Variants in RMDN2 observed in about 807,000 individuals in gnomAD.
RMDN2 encodes regulator of microtubule dynamics protein 2.
Under a neutral mutation model 52.8 loss-of-function variants are expected in RMDN2, and 61 were observed. The ratio of observed to expected loss-of-function variants is 1.16; its 90% CI spans 0.94 to 1.43. The LOEUF (loss-of-function observed/expected upper bound fraction) is 1.43, where lower values mean the gene tolerates loss of function less well. Ranked by LOEUF, RMDN2 falls within the 40% of genes most tolerant of loss-of-function variation. RMDN2 has a pLI of 0.00. For synonymous variants in RMDN2, 180 were observed against 153.1 expected (o/e 1.18, Z -1.30); for missense variants, 592 against 475.3 (o/e 1.25, Z -2.28).
intron 2 of RMDN2, among the ~76,000 whole-genome samples, chr2:37,939,110 G>C (rs1012811226): frequency 6.6e-6 from 1 of 152,016 alleles, no homozygotes; most frequent in Non-Finnish European, 1.5e-5. Flanking sequence ...TGTTCTCGTC[G>C]GTTTCAAATA....
intron 2 of RMDN2, among the ~76,000 whole-genome samples, chr2:37,931,109 TCAA>T (rs1666702504): frequency 6.6e-6 from 1 of 151,094 alleles, no homozygotes; most frequent in Admixed American, 6.6e-5. Flanking sequence ...TTAAAACCAG[TCAA>T]CAACTTTTTG....
chr2:38,062,608 AT>A (rs199625481), intron 10 of RMDN2, among the ~76,000 whole-genome samples: 1,579 of 151,166 alleles, frequency 0.01, 15 homozygotes, highest in African/African-American at 0.03. Context: ...ATACTGTAGC[AT>A]TTTTTTTTAA....
At chr2:37,964,526 A>T (rs1203861017) in intron 2 of RMDN2, among the ~76,000 whole-genome samples, 1 of 152,156 alleles carries the variant, frequency 6.6e-6, no homozygotes, top group Non-Finnish European at 1.5e-5. Context: ...TTTCATGTTT[A>T]TTGTGATCCA....
chr2:38,011,743 A>T (rs1407969735), intron 10 of RMDN2, among the ~76,000 whole-genome samples: 1 of 152,242 alleles, frequency 6.6e-6, no homozygotes, highest in African/African-American at 2.4e-5. Flanking sequence ...TCAGAGGTAG[A>T]CTTTGAAAGA....
chr2:38,005,398 C>A (rs1288865422), intron 10 of RMDN2, among the ~76,000 whole-genome samples: 1 of 152,170 alleles, frequency 6.6e-6, no homozygotes, highest in Non-Finnish European at 1.5e-5. Context: ...GCCATTCTAA[C>A]TGGTGTGAGA....
At chr2:37,963,427 C>G (rs1230250227) in intron 2 of RMDN2, among the ~76,000 whole-genome samples, 2 of 147,806 alleles carry the variant, frequency 1.4e-5, no homozygotes, top group Non-Finnish European at 3.0e-5. Context: ...AACAAGTGAA[C>G]AAAGGTCTCT....
At chr2:37,942,331 G>A (rs1253760686) in intron 2 of RMDN2, among the ~76,000 whole-genome samples, 5 of 151,946 alleles carry the variant, frequency 3.3e-5, no homozygotes, top group African/African-American at 1.2e-4. Flanking sequence ...GCAGACTGGA[G>A]CTGTTTCTAT....
At chr2:37,951,609 C>CT (rs2124963944) in intron 2 of RMDN2, 1 of 1,613,374 alleles carries the variant, frequency 6.2e-7, no homozygotes, top group Admixed American at 1.7e-5. Flanking sequence ...ATCCCGTAAA[C>CT]TAAGTATAGT....
At chr2:38,021,909 G>A (rs1484147916), downstream of RMDN2, among the ~76,000 whole-genome samples, 3 of 152,230 alleles carry the variant, frequency 2.0e-5, no homozygotes, top group Non-Finnish European at 4.4e-5. Flanking sequence ...CCAGCCTGTG[G>A]TCCGGGGTTT....
intron 2 of RMDN2, among the ~76,000 whole-genome samples, chr2:37,943,690 T>C (rs1397699714): frequency 6.6e-6 from 1 of 152,182 alleles, no homozygotes; most frequent in Non-Finnish European, 1.5e-5. Context: ...ATTTCATGAA[T>C]CCTTCATTGC....
upstream of RMDN2, chr2:37,925,240 G>A (rs1666167932): frequency 6.6e-6 from 1 of 152,354 alleles, no homozygotes; most frequent in African/African-American, 2.4e-5. Flanking sequence ...GAGGGGGCGG[G>A]AGCGGGGGGC....
intron 10 of RMDN2, among the ~76,000 whole-genome samples, chr2:38,056,272 G>A (rs1681852600): frequency 6.6e-6 from 1 of 152,256 alleles, no homozygotes; most frequent in South Asian, 2.1e-4. Flanking sequence ...CCAGCTCATA[G>A]GGCATCTCCT....
intron 2 of RMDN2, chr2:37,951,592 G>A (rs371164410): frequency 5.0e-6 from 8 of 1,613,138 alleles, no homozygotes; most frequent in South Asian, 4.4e-5. Context: ...CGCAGAAGAC[G>A]TTTCTCATCC....
intron 2 of RMDN2, among the ~76,000 whole-genome samples, chr2:37,943,812 A>C (rs557285068): frequency 1.3e-5 from 2 of 152,022 alleles, no homozygotes; most frequent in Non-Finnish European, 2.9e-5. Context: ...CCCTTAGGCT[A>C]TGTGTTAATT....
intron 2 of RMDN2, 122 bp downstream of exon 2, chr2:37,929,851 G>C (rs982041652): frequency 7.7e-6 from 5 of 646,500 alleles, no homozygotes; most frequent in African/African-American, 7.4e-5. Context: ...GAAAAGGAGT[G>C]ATATTTTGAC....
At chr2:37,946,655 A>T (rs759426216) in intron 2 of RMDN2, among the ~76,000 whole-genome samples, 2 of 152,196 alleles carry the variant, frequency 1.3e-5, no homozygotes, top group Non-Finnish European at 2.9e-5. Context: ...ATTACTCAGG[A>T]GGTGGTTGCC....
At chr2:37,951,887 TC>T (rs1668859459) in intron 2 of RMDN2, 2 of 1,613,414 alleles carry the variant, frequency 1.2e-6, no homozygotes, top group Non-Finnish European at 1.7e-6. Flanking sequence ...ATATTTCCTC[TC>T]CCGATCAACA....
intron 10 of RMDN2, among the ~76,000 whole-genome samples, chr2:38,026,449 T>C (rs1041959821): frequency 2.0e-5 from 3 of 152,286 alleles, no homozygotes; most frequent in South Asian, 2.1e-4. Flanking sequence ...TTTGGGTTCA[T>C]TGATTTTTCT....
intron 10 of RMDN2, chr2:38,066,784 T>C (rs946916990): frequency 8.9e-6 from 5 of 563,196 alleles, no homozygotes; most frequent in African/African-American, 5.7e-5. Flanking sequence ...ATTTTTCCCA[T>C]GAAAATATTT....
Sources: gnomAD v4.1 joint callset for allele counts (sites outside exome capture counted in the v4.1 genomes callset) on GRCh38, gnomAD v4.1.1 for gene constraint, MANE v1.5 for transcripts, NCBI Gene and HGNC (gene_info 2026-07-23, HGNC 2026-07-21) for gene names.